Variants in CPSF7 observed in about 807,000 individuals in gnomAD.
The protein encoded by CPSF7 is cleavage and polyadenylation specific factor 7, also known as cleavage and polyadenylation specificity factor subunit 7.
Under a neutral mutation model 44.3 loss-of-function variants are expected in CPSF7, and 1 was observed. That is an observed-to-expected ratio of 0.02 (90% CI 0.01 to 0.11). CPSF7 has a LOEUF of 0.11. CPSF7 is among the 10% of genes least tolerant of loss of function. The pLI is 1.00. For missense variants in CPSF7, 443 were observed against 607.2 expected (o/e 0.73, Z 2.84); for synonymous variants, 202 against 222.0 (o/e 0.91, Z 0.80).
At chr11:61,429,671 T>G in intron 1 of CPSF7, 3 of 1,409,520 alleles carry the variant, frequency 2.1e-6, no homozygotes, top group Non-Finnish European at 2.9e-6. Context: ...AGCCCCCAGG[T>G]GTCAAGCAGC....
At chr11:61,424,554 G>A (rs1861180652) in intron 2 of CPSF7, among the ~76,000 whole-genome samples, 1 of 152,130 alleles carries the variant, frequency 6.6e-6, no homozygotes, top group African/African-American at 2.4e-5. Flanking sequence ...CTGGGTTCAA[G>A]TGATTCTCCT....
intron 5 of CPSF7, among the ~76,000 whole-genome samples, chr11:61,417,308 T>TGCTA (rs1860428825): frequency 6.6e-6 from 1 of 152,188 alleles, no homozygotes; most frequent in African/African-American, 2.4e-5. Context: ...AGGAACACCA[T>TGCTA]CACCACATGC....
rs1859001138 is a variant in CPSF7 at position 61,402,898 on chromosome 11, A to C, written c.*1812T>G. 1 of 152,414 alleles carries C rather than the reference A, an allele frequency of 6.6e-6. No homozygotes were observed. The highest frequency in any genetic ancestry group is 1.5e-5 in the Non-Finnish European group (1 of 68,010). 9.4% of individuals were successfully genotyped at this position (152,414 alleles called of 1,614,324 possible). A position where few individuals can be genotyped will look rare whatever the true frequency, so the allele number is the denominator to read the frequency against. ...GGTGTCATTGAGTAAAAACAAAACA[A>C]ATGGGGAGAAAAAAATTCTCCGGGT... On this transcript the variant is annotated 3_prime_UTR_variant, in exon 10 of 10. Transcript: ENST00000439958.
In CPSF7 at chr11:61,420,508, C is replaced by T; in HGVS notation, c.339G>A (p.Leu113=). ...CATTTGCTCGATTCTCTGCAAATTTCAACTCCACCACATCATAGACTCCTA... is the reference window on the plus strand; with the variant it reads ...CATTTGCTCGATTCTCTGCAAATTTTAACTCCACCACATCATAGACTCCTA... ...RSIGVYDVVE[L]KFAENRANGQ... is the part of the protein sequence containing the mutation. Residue 113 remains leucine (L), a synonymous_variant, in exon 4 of 10, where the codon TTG becomes TTA. Coordinates refer to ENST00000439958, the MANE Select transcript of CPSF7 (RefSeq NM_001142565.3). 6.2e-7 allele frequency: 1 copy of T among 1,614,176 alleles called. No homozygotes were observed. The highest frequency in any genetic ancestry group is 8.5e-7 in the Non-Finnish European group (1 of 1,180,022).
intron 9 of CPSF7, chr11:61,405,928 A>C (rs1485300050): frequency 6.6e-6 from 1 of 152,206 alleles, no homozygotes; most frequent in Admixed American, 6.5e-5. Flanking sequence ...ACTCAATTAC[A>C]TACCATTAGG....
chr11:61,429,921 A>G lies in CPSF7; in HGVS notation c.-63T>C. ...ACCGCGCGCCCCCGTTACCGGGAAT[A>G]TGGCGGCGGCGGCGGCGAGTCCGGA... On this transcript the variant is annotated 5_prime_UTR_variant, in exon 1 of 10. Transcript: ENST00000439958. 6.8e-7 allele frequency: 1 copy of G among 1,473,522 alleles called. No homozygotes were observed. The highest frequency in any genetic ancestry group is 2.1e-5 in the Admixed American group (1 of 46,940). 91.3% of individuals were successfully genotyped at this position (1,473,522 alleles called of 1,614,324 possible).
chr11:61,416,547 C>T (rs1860358828), intron 5 of CPSF7, 28 bp from the exon 6 acceptor site: 1 of 1,611,262 alleles, frequency 6.2e-7, no homozygotes, highest in Non-Finnish European at 8.5e-7. Context: ...ACTGATGTTA[C>T]TGCCCAGGCT....
At chr11:61,414,129 T>A (rs1860098244) in intron 7 of CPSF7, among the ~76,000 whole-genome samples, 1 of 148,310 alleles carries the variant, frequency 6.7e-6, no homozygotes, top group Non-Finnish European at 1.5e-5. Flanking sequence ...ATATATTACT[T>A]TTTAATTTAA....
At chr11:61,427,609 C>T (rs1373333067) in intron 2 of CPSF7, among the ~76,000 whole-genome samples, 4 of 148,874 alleles carry the variant, frequency 2.7e-5, no homozygotes, top group Non-Finnish European at 5.9e-5. Flanking sequence ...GCCGAGATCG[C>T]GCCACTGCAC....
intron 3 of CPSF7, 44 bp from the exon 4 acceptor site, chr11:61,420,617 A>G (rs777096437): frequency 5.0e-6 from 7 of 1,407,716 alleles, no homozygotes; most frequent in Non-Finnish European, 6.8e-6. Context: ...CAAGAGCTAC[A>G]CCCCCGCCCG....
At chr11:61,406,026 A>G (rs757677693) in intron 9 of CPSF7, 5 of 152,230 alleles carry the variant, frequency 3.3e-5, no homozygotes, top group Non-Finnish European at 5.9e-5. Flanking sequence ...GAGAATGACT[A>G]TATTTCAAGT....
At chr11:61,420,147 A>T in intron 4 of CPSF7, 53 bp from the exon 5 acceptor site, 2 of 1,439,110 alleles carry the variant, frequency 1.4e-6, no homozygotes, top group Non-Finnish European at 1.9e-6. Flanking sequence ...CCAAGAGAAG[A>T]AAAAAGAAAT....
chr11:61,429,678 C>A, intron 1 of CPSF7: 1 of 1,464,090 alleles, frequency 6.8e-7, no homozygotes, highest in Non-Finnish European at 9.2e-7. Flanking sequence ...AGGTGTCAAG[C>A]AGCTCCAGCC....
rs974006421 is a variant in CPSF7, at chr11:61,417,875, T to G, written c.524-1356A>C. Among the ~76,000 whole-genome samples the G allele has an allele frequency of 3.9e-5, 6 of 152,282 alleles. No individual in the cohort carries two copies. The South Asian group carries it at 6.2e-4, about 16-fold the overall frequency. The stretch of plus-strand genomic sequence containing the variant: ...AGTCCACCAGCTTTACTTAGTGAAT[T>G]AACAGAGCCCAGGTCCATCAGCATG... On this transcript the variant is annotated intron_variant, in intron 5 of 9. Transcript: ENST00000439958.
intron 2 of CPSF7, among the ~76,000 whole-genome samples, chr11:61,423,490 G>A (rs1048409009): frequency 5.9e-5 from 9 of 152,198 alleles, no homozygotes; most frequent in Non-Finnish European, 1.3e-4. Context: ...TCTTTTTAAG[G>A]ATTAGACAAG....
rs968491006 is a variant in CPSF7 at position 61,402,800 on chromosome 11, G to C, written c.*1910C>G. ...AGACAAACAAATCACCGACAACAGGGGGACGGGACCTTGGCCTTTTTGAGG... is the reference window on the plus strand; with the variant it reads ...AGACAAACAAATCACCGACAACAGGCGGACGGGACCTTGGCCTTTTTGAGG... On this transcript the variant is annotated 3_prime_UTR_variant, in exon 10 of 10. Coordinates refer to ENST00000439958, the MANE Select transcript of CPSF7 (RefSeq NM_001142565.3). The C allele has an allele frequency of 6.6e-6, 1 of 152,496 alleles. No homozygotes were observed. The highest frequency in any genetic ancestry group is 2.4e-5 in the African/African-American group (1 of 41,394). The allele number at this position is 152,496 out of a possible 1,614,324, so 9.4% of individuals were successfully genotyped here. A position where few individuals can be genotyped will look rare whatever the true frequency, so the allele number is the denominator to read the frequency against.
At chr11:61,420,673 G>A (rs1860779871) in intron 3 of CPSF7, 100 bp from the exon 4 acceptor site, 8 of 861,938 alleles carry the variant, frequency 9.3e-6, no homozygotes, top group Admixed American at 2.2e-5. Context: ...AGTCCCCCCA[G>A]AGGAAACTCA....
At chr11:61,429,047 G>A (rs1861668722) in intron 2 of CPSF7, 135 bp downstream of exon 2, 1 of 557,292 alleles carries the variant, frequency 1.8e-6, no homozygotes. Context: ...TAAAGTTTCT[G>A]CAGGAGAAAA....
rs1466241426 is a variant in CPSF7, at chr11:61,402,963, A to T, written c.*1747T>A. On this transcript the variant is annotated 3_prime_UTR_variant, in exon 10 of 10. Transcript: ENST00000439958. ...GTATTCTATATATATTTTTCCTTAA[A>T]CTGTCACCTTTTCTCTACATTTTAA... is the stretch of plus-strand genomic sequence containing the variant. 1 of 149,778 alleles carries T rather than the reference A, an allele frequency of 6.7e-6. No homozygotes were observed. The highest frequency in any genetic ancestry group is 2.6e-5 in the African/African-American group (1 of 39,010). 9.3% of individuals were successfully genotyped at this position (149,778 alleles called of 1,614,324 possible). A position where few individuals can be genotyped will look rare whatever the true frequency, so the allele number is the denominator to read the frequency against.
Sources: gnomAD v4.1 joint callset for allele counts (sites outside exome capture counted in the v4.1 genomes callset) on GRCh38, gnomAD v4.1.1 for gene constraint, MANE v1.5 for transcripts, NCBI Gene and HGNC (gene_info 2026-07-23, HGNC 2026-07-21) for gene names.